PHLPP1: variants seen among roughly 807,000 people sequenced by gnomAD.
PHLPP1 encodes the protein PH domain and leucine rich repeat protein phosphatase 1.
Under a neutral mutation model 117.2 loss-of-function variants are expected in PHLPP1, and 42 were observed. The observed-to-expected ratio is 0.36, with a 90% CI of 0.28 to 0.46. The LOEUF is 0.46. Ranked by LOEUF, PHLPP1 falls within the 20% of genes least tolerant of loss-of-function variation. PHLPP1 has a pLI of 1.00. For missense variants in PHLPP1, 2,084 were observed against 2,241.9 expected, an observed-to-expected ratio of 0.93 and a Z score of 1.42; for synonymous variants, 1,042 against 970.7, an observed-to-expected ratio of 1.07 and a Z score of -1.37.
chr18:62,967,972 C>T (rs1023107764), intron 14 of PHLPP1, among the ~76,000 whole-genome samples: 16 of 151,944 alleles, frequency 1.1e-4, no homozygotes, highest in Admixed American at 5.9e-4. Context: ...TTCAGGCATG[C>T]GCCACCATAT....
At chr18:62,874,927 ATGTATC>A (rs1332748388) in intron 4 of PHLPP1, among the ~76,000 whole-genome samples, 1 of 152,170 alleles carries the variant, frequency 6.6e-6, no homozygotes, top group East Asian at 1.9e-4. Context: ...AGGACCTGCT[ATGTATC>A]TGTAGAATTA....
chr18:62,882,047 T>C (rs1916185745), intron 4 of PHLPP1, among the ~76,000 whole-genome samples: 1 of 152,184 alleles, frequency 6.6e-6, no homozygotes, highest in African/African-American at 2.4e-5. Context: ...AGACAGCCTC[T>C]CTCATGCATT....
intron 1 of PHLPP1, among the ~76,000 whole-genome samples, chr18:62,794,003 A>G (rs960325421): frequency 3.3e-5 from 5 of 152,222 alleles, no homozygotes; most frequent in African/African-American, 1.2e-4. Context: ...CCTTTGCCAT[A>G]ACTAACTTGC....
chr18:62,854,147 T>A (rs1157810659), intron 3 of PHLPP1, among the ~76,000 whole-genome samples: 1 of 152,234 alleles, frequency 6.6e-6, no homozygotes, highest in Non-Finnish European at 1.5e-5. Flanking sequence ...GACCTCACCT[T>A]TGTGCCTTCA....
chr18:62,830,008 T>A (rs1427077957), intron 1 of PHLPP1, 27 bp from the exon 2 acceptor site: 1 of 1,568,566 alleles, frequency 6.4e-7, no homozygotes, highest in Non-Finnish European at 8.7e-7. Flanking sequence ...TTTAAAAGAA[T>A]AACATGTTTG....
intron 11 of PHLPP1, among the ~76,000 whole-genome samples, chr18:62,944,664 A>G (rs1315490005): frequency 6.6e-6 from 1 of 152,166 alleles, no homozygotes; most frequent in African/African-American, 2.4e-5. Context: ...TCTTAATATG[A>G]ACTATAGACC....
intron 4 of PHLPP1, among the ~76,000 whole-genome samples, chr18:62,890,510 C>T (rs994492799): frequency 5.9e-5 from 9 of 152,196 alleles, no homozygotes; most frequent in African/African-American, 2.2e-4. Flanking sequence ...AGGTGATCCA[C>T]CCGCCTCAGC....
chr18:62,803,202 TTGTC>T (rs1383587527), intron 1 of PHLPP1, among the ~76,000 whole-genome samples: 3 of 152,202 alleles, frequency 2.0e-5, no homozygotes, highest in Non-Finnish European at 4.4e-5. Context: ...ATTTAAACAT[TTGTC>T]TGTTTATCAT....
chr18:62,902,903 G>A, intron 6 of PHLPP1, 61 bp from the exon 7 acceptor site: 1 of 955,654 alleles, frequency 1.0e-6, no homozygotes, highest in South Asian at 1.3e-5. Context: ...TCATATTAGG[G>A]TGTGCCCATT....
intron 3 of PHLPP1, among the ~76,000 whole-genome samples, chr18:62,840,736 A>G (rs1915027951): frequency 6.6e-6 from 1 of 152,232 alleles, no homozygotes; most frequent in South Asian, 2.1e-4. Flanking sequence ...GAATACTTTT[A>G]TAATTACAGA....
intron 3 of PHLPP1, among the ~76,000 whole-genome samples, chr18:62,858,884 GCTTTTT>G (rs907740425): frequency 6.6e-6 from 1 of 152,156 alleles, no homozygotes; most frequent in Non-Finnish European, 1.5e-5. Flanking sequence ...TTTATTGAGT[GCTTTTT>G]CTGTGCCAGG....
intron 10 of PHLPP1, among the ~76,000 whole-genome samples, chr18:62,927,855 G>A (rs1909685501): frequency 6.6e-6 from 1 of 151,872 alleles, no homozygotes; most frequent in Admixed American, 6.6e-5. Context: ...ATACCTTAAA[G>A]TACATGTGAA....
chr18:62,975,161 T>C (rs749707598), intron 15 of PHLPP1, among the ~76,000 whole-genome samples: 3 of 152,182 alleles, frequency 2.0e-5, no homozygotes, highest in Non-Finnish European at 4.4e-5. Flanking sequence ...CTTTTAATGG[T>C]ACAGTGATAC....
In PHLPP1 at chr18:62,716,316, G is replaced by A. The variant is rs1240126447; in HGVS notation, c.633G>A (p.Met211Ile). The A allele has an allele frequency of 2.6e-6, 4 of 1,530,756 alleles. No individual in the cohort carries two copies. The East Asian group carries it at 7.4e-5, about 28-fold the overall frequency. 94.8% of individuals were successfully genotyped at this position (1,530,756 alleles called of 1,614,324 possible). The change falls in exon 1 of 17, where the codon ATG (methionine) becomes ATA (isoleucine). Residue 211 changes from methionine (M) to isoleucine (I), a missense_variant. Met to Ile is a conservative substitution (Grantham distance 10). Transcript: ENST00000262719. This position sits in a 1 kb window ranked among gnomAD's most constrained non-coding sequence, Gnocchi z 5.7. ...GCGTGCACGTCTTCGACCGCCACATGGCCTCGACCTACCTGCGCCCGGTGC... is the reference window on the plus strand; with the variant it reads ...GCGTGCACGTCTTCGACCGCCACATAGCCTCGACCTACCTGCGCCCGGTGC... ...RGCVHVFDRHMASTYLRPVLC... is the reference protein window; with the variant it reads ...RGCVHVFDRHIASTYLRPVLC...
In PHLPP1 at chr18:62,716,257, C is replaced by A; in HGVS notation, c.574C>A (p.Arg192=). 6.5e-7 allele frequency: 1 copy of A among 1,530,600 alleles called. No homozygotes were observed. Among genetic ancestry groups the A allele is most frequent in the Non-Finnish European group, 8.7e-7 (1 of 1,144,920 alleles). The allele number at this position is 1,530,600 out of a possible 1,614,324, so 94.8% of individuals were successfully genotyped here. A position where few individuals can be genotyped will look rare whatever the true frequency, so the allele number is the denominator to read the frequency against. The change falls in exon 1 of 17, where the codon CGG becomes AGG. Residue 192 remains arginine, a synonymous_variant. Transcript: ENST00000262719. The surrounding 1 kb of genome is among the most constrained non-coding windows in gnomAD (Gnocchi z 5.7). ...GACGCTGCAGCTGCAGCCGTCGGAC[C>A]GGGACTGGGTGAGGCACCAGCTCCA... ...RQTLQLQPSD[R]DWVRHQLQRG...
At chr18:62,970,175 T>C (rs1201351857) in intron 14 of PHLPP1, among the ~76,000 whole-genome samples, 2 of 152,248 alleles carry the variant, frequency 1.3e-5, no homozygotes, top group Admixed American at 6.5e-5. Flanking sequence ...CATTACTGTT[T>C]ACCTTCAAGT....
At chr18:62,889,803 A>G (rs1206142584) in intron 4 of PHLPP1, 2 of 152,282 alleles carry the variant, frequency 1.3e-5, no homozygotes, top group Non-Finnish European at 2.9e-5. Flanking sequence ...TGTAATTTCA[A>G]TAATATATTC....
At chr18:62,859,265 C>G (rs1292699260) in intron 3 of PHLPP1, among the ~76,000 whole-genome samples, 1 of 152,186 alleles carries the variant, frequency 6.6e-6, no homozygotes, top group Admixed American at 6.5e-5. Flanking sequence ...AAGCCATGTG[C>G]TTTAGCATAA....
At chr18:62,849,830 A>ATATAT (rs1465429883) in intron 3 of PHLPP1, among the ~76,000 whole-genome samples, 245 of 21,074 alleles carry the variant, frequency 0.012, 19 homozygotes, top group Middle Eastern at 0.056. Context: ...AAAAAAAAAA[A>ATATAT]AAATATATAT....
Sources: allele counts gnomAD v4.1 joint callset (sites outside exome capture counted in the v4.1 genomes callset), GRCh38; gene constraint gnomAD v4.1.1; non-coding constraint Gnocchi (gnomAD v3.1); transcripts MANE v1.5; gene names NCBI Gene and HGNC (gene_info 2026-07-23, HGNC 2026-07-21).